Variants in RBFOX1 observed in about 807,000 individuals in gnomAD.
RBFOX1 encodes RNA binding protein fox-1 homolog 1.
RBFOX1 carries 8 observed loss-of-function variants against 57.7 expected under a neutral mutation model. The observed-to-expected ratio is 0.14, with a 90% confidence interval of 0.08 to 0.25. The LOEUF (loss-of-function observed/expected upper bound fraction) is 0.25. RBFOX1 is among the 10% of genes least tolerant of loss of function. The pLI is 1.00. For synonymous variants in RBFOX1, 326 were observed against 222.4 expected (o/e 1.47, Z -4.15); for missense variants, 611 against 548.5 (o/e 1.11, Z -1.14).
chr16:7,008,172 G>T (rs1050098343), intron 3 of RBFOX1, among the ~76,000 whole-genome samples: 1 of 152,120 alleles, frequency 6.6e-6, no homozygotes, highest in Non-Finnish European at 1.5e-5. Context: ...AGTTGTTACC[G>T]AAGAAAATGT....
At chr16:5,380,297 G>T (rs915677989) in intron 1 of RBFOX1, among the ~76,000 whole-genome samples, 4 of 152,118 alleles carry the variant, frequency 2.6e-5, no homozygotes, top group Admixed American at 2.6e-4. Context: ...CACAATAGGG[G>T]AATTATTCAA....
intron 3 of RBFOX1, among the ~76,000 whole-genome samples, chr16:5,717,143 G>T (rs2051733794): frequency 6.6e-6 from 1 of 152,040 alleles, no homozygotes; most frequent in African/African-American, 2.4e-5. Context: ...TAATTTTCAA[G>T]GACTTTCATG....
At chr16:7,148,057 G>A (rs1161700507) in intron 4 of RBFOX1, among the ~76,000 whole-genome samples, 1 of 152,142 alleles carries the variant, frequency 6.6e-6, no homozygotes, top group Non-Finnish European at 1.5e-5. Context: ...TTTCTCTTTA[G>A]CAGAACACTC....
intron 3 of RBFOX1, among the ~76,000 whole-genome samples, chr16:6,799,174 C>G (rs1013457362): frequency 1.3e-5 from 2 of 151,976 alleles, no homozygotes; most frequent in Admixed American, 1.3e-4. Flanking sequence ...GGAAAGAATT[C>G]AAAAGTGTGC....
intron 1 of RBFOX1, among the ~76,000 whole-genome samples, chr16:6,169,642 A>G (rs916929866): frequency 6.6e-6 from 1 of 152,240 alleles, no homozygotes. Context: ...GATTGGTTAC[A>G]GCTCCGCGTT....
At chr16:7,269,774 A>G (rs1040375408) in intron 4 of RBFOX1, among the ~76,000 whole-genome samples, 4 of 152,174 alleles carry the variant, frequency 2.6e-5, no homozygotes, top group Non-Finnish European at 1.5e-5. Context: ...CTAAATGCTA[A>G]AAAGTATTGT....
chr16:7,325,218 C>G (rs776460089), intron 4 of RBFOX1, among the ~76,000 whole-genome samples: 1 of 152,162 alleles, frequency 6.6e-6, no homozygotes, highest in Non-Finnish European at 1.5e-5. Context: ...CTGCAGTATA[C>G]TGTACTTATT....
intron 4 of RBFOX1, among the ~76,000 whole-genome samples, chr16:7,438,370 G>A (rs1237303262): frequency 6.6e-6 from 1 of 152,068 alleles, no homozygotes; most frequent in Non-Finnish European, 1.5e-5. Context: ...CTGGGGCCAC[G>A]GTGAGCATGA....
chr16:5,474,311 G>A (rs1247700907), intron 2 of RBFOX1, among the ~76,000 whole-genome samples: 1 of 152,186 alleles, frequency 6.6e-6, no homozygotes, highest in African/African-American at 2.4e-5. Flanking sequence ...AGAACCTACT[G>A]AGGGGACTTC....
At chr16:6,719,851 G>C (rs1024221730) in intron 3 of RBFOX1, among the ~76,000 whole-genome samples, 7 of 152,028 alleles carry the variant, frequency 4.6e-5, no homozygotes, top group African/African-American at 9.7e-5. Flanking sequence ...TCAGCACTTT[G>C]GGAAGCCTGG....
At chr16:5,530,091 T>C (rs1267801079) in intron 2 of RBFOX1, among the ~76,000 whole-genome samples, 1 of 152,168 alleles carries the variant, frequency 6.6e-6, no homozygotes, top group Non-Finnish European at 1.5e-5. Context: ...CACTCTTGTT[T>C]AAGCCACTCA....
At chr16:7,386,541 C>T (rs1333953451) in intron 4 of RBFOX1, among the ~76,000 whole-genome samples, 2 of 151,962 alleles carry the variant, frequency 1.3e-5, no homozygotes, top group Non-Finnish European at 2.9e-5. Context: ...CATGTCCCTG[C>T]AAAGGACATG....
chr16:5,406,537 A>G (rs1421839044), intron 1 of RBFOX1, among the ~76,000 whole-genome samples: 1 of 151,990 alleles, frequency 6.6e-6, no homozygotes, highest in Non-Finnish European at 1.5e-5. Flanking sequence ...CATACCTTAT[A>G]ATAAATCTCT....
In RBFOX1 at chr16:7,597,620, C is replaced by G. The variant is rs188057644; in HGVS notation, c.622+189C>G. Among the ~76,000 whole-genome samples, 20 of 152,330 alleles carry G rather than the reference C, an allele frequency of 1.3e-4. No homozygotes were observed. In the East Asian group the frequency reaches 3.9e-3, roughly 29 times the overall value. On this transcript the variant is annotated intron_variant, in intron 9 of 15. Coordinates refer to ENST00000550418, the MANE Select transcript of RBFOX1 (RefSeq NM_018723.4). ...TCACAACAAAGGCAAATGGAGTGTT[C>G]AGGTTAAGTGTGCCTGCCCTTCTTC...
chr16:6,488,794 G>T (rs1013033802), intron 2 of RBFOX1, among the ~76,000 whole-genome samples: 1 of 152,078 alleles, frequency 6.6e-6, no homozygotes, highest in African/African-American at 2.4e-5. Flanking sequence ...GCGAGAGGAT[G>T]ACTCCCTCCT....
At chr16:6,087,771 G>C (rs952410313) in intron 1 of RBFOX1, among the ~76,000 whole-genome samples, 44 of 151,720 alleles carry the variant, frequency 2.9e-4, no homozygotes, top group African/African-American at 9.9e-4. Context: ...TCCTGCCTCA[G>C]CCTCCCAAGA....
intron 4 of RBFOX1, among the ~76,000 whole-genome samples, chr16:7,268,959 C>A (rs1347056164): frequency 6.7e-6 from 1 of 149,574 alleles, no homozygotes; most frequent in African/African-American, 2.5e-5. Context: ...ACCGCTTGAA[C>A]CCTGAAGGCA....
intron 3 of RBFOX1, among the ~76,000 whole-genome samples, chr16:5,763,040 AAAG>A (rs1567508428): frequency 6.6e-6 from 1 of 152,200 alleles, no homozygotes; most frequent in African/African-American, 2.4e-5. Context: ...ATCTGTTTTT[AAAG>A]AAAAACTTAA....
rs145579387 is a variant in RBFOX1, at chr16:7,706,137, C to A, written c.996-2919C>A. Among the ~76,000 whole-genome samples, 250 of 152,320 alleles carry A rather than the reference C, an allele frequency of 1.6e-3. 1 individual carries two copies. The highest frequency in any genetic ancestry group is 6.0e-3 in the African/African-American group (248 of 41,572). On this transcript the variant is annotated intron_variant, in intron 14 of 15. Transcript: ENST00000550418. ...GCAAACGTAGCACTCAAGTCCACAT[C>A]TTCCCCAATAACCTTGTGACTAAAT...
Sources: gnomAD v4.1 joint callset for allele counts (sites outside exome capture counted in the v4.1 genomes callset) on GRCh38, gnomAD v4.1.1 for gene constraint, MANE v1.5 for transcripts, NCBI Gene and HGNC (gene_info 2026-07-23, HGNC 2026-07-21) for gene names.